Variants in IAH1 observed in about 807,000 individuals in gnomAD.
The protein encoded by IAH1 is isoamyl acetate-hydrolyzing esterase 1 homolog.
A neutral mutation model predicts 26.7 loss-of-function variants in IAH1; 24 were observed. The observed-to-expected ratio is 0.90, with a 90% confidence interval of 0.65 to 1.26. The LOEUF (loss-of-function observed/expected upper bound fraction) is 1.26, where lower values mean the gene tolerates loss of function less well. IAH1 is among the 50% of genes most tolerant of loss of function. The probability of loss-of-function intolerance (pLI) is 0.00; values close to 1 mark genes in which losing one functional copy is unlikely to be tolerated. For missense variants in IAH1, 300 were observed against 299.9 expected (o/e 1.00, Z 0.00); for synonymous variants, 140 against 118.5 (o/e 1.18, Z -1.18).
At chr2:9,474,487 G>A, upstream of IAH1, 3 of 826,740 alleles carry the variant, frequency 3.6e-6, no homozygotes, top group Non-Finnish European at 5.1e-6. This position sits in a 1 kb window ranked among gnomAD's most constrained non-coding sequence, Gnocchi z 4.3. Flanking sequence ...CCACGAGCCC[G>A]GCTCCCGCAA....
chr2:9,510,557 G>A, the IAH1 span, among the ~76,000 whole-genome samples: 10 of 152,130 alleles, frequency 6.6e-5, no homozygotes, highest in Admixed American at 5.2e-4. Context: ...TCAACTACTC[G>A]GGAGGCTGAG....
chr2:9,491,506 C>CCGCACTGACTGGAAGGGCA (rs1156323991), downstream of IAH1, among the ~76,000 whole-genome samples: 1 of 152,232 alleles, frequency 6.6e-6, no homozygotes, highest in African/African-American at 2.4e-5. Flanking sequence ...TACACCAGGA[C>CCGCACTGACTGGAAGGGCA]CGCACTGACT....
Position 9,481,666 on chromosome 2 carries a change from A to G in IAH1, c.445+219A>G, listed in dbSNP as rs78976427. ...AAAGGGATTCTGGCTTTGGATAGTC[A>G]GGAGGGAACCGCGGGCCTGGCATCT... is the stretch of plus-strand genomic sequence containing the variant. On this transcript the variant is annotated intron_variant, in intron 4 of 5. Coordinates refer to ENST00000497473, the MANE Select transcript of IAH1 (RefSeq NM_001039613.3). Among the ~76,000 whole-genome samples, 441 of 152,270 alleles carry G rather than the reference A, an allele frequency of 2.9e-3. 2 individuals carry two copies. Among genetic ancestry groups the G allele is most frequent in the African/African-American group, 0.01 (428 of 41,550 alleles).
Position 9,488,653 on chromosome 2 carries a change from T to C in IAH1, c.*324T>C, listed in dbSNP as rs890623200. On this transcript the variant is annotated 3_prime_UTR_variant, in exon 6 of 6. Coordinates refer to ENST00000497473, the MANE Select transcript of IAH1 (RefSeq NM_001039613.3). Reference sequence around the variant, plus strand: ...TTTTGAGAACTGTTTCACTCATACATACACCCACACACCCCACTCAACCTT... The same window carrying C: ...TTTTGAGAACTGTTTCACTCATACACACACCCACACACCCCACTCAACCTT... The C allele has an allele frequency of 5.4e-6, 1 of 184,424 alleles. No homozygotes were observed. The highest frequency in any genetic ancestry group is 2.3e-5 in the African/African-American group (1 of 42,682). The allele number at this position is 184,424 out of a possible 1,614,324, so 11.4% of individuals were successfully genotyped here. A position where few individuals can be genotyped will look rare whatever the true frequency, so the allele number is the denominator to read the frequency against.
chr2:9,512,199 A>T, the IAH1 span: 41 of 152,252 alleles, frequency 2.7e-4, no homozygotes, highest in African/African-American at 9.1e-4. Context: ...AGGTGTAATG[A>T]AGAGAAATAT....
chr2:9,487,150 A>G (rs1300024637), intron 5 of IAH1, among the ~76,000 whole-genome samples: 2 of 152,082 alleles, frequency 1.3e-5, no homozygotes, highest in Non-Finnish European at 1.5e-5. Context: ...CTGAGGTTAG[A>G]AAGATCGCTT....
chr2:9,502,101 C>T, the IAH1 span: 33 of 1,352,274 alleles, frequency 2.4e-5, no homozygotes, highest in Middle Eastern at 3.6e-4. Context: ...CTGAACAAAA[C>T]ATAATCTTGT....
At chr2:9,502,337 A>C in the IAH1 span, 9 of 1,410,764 alleles carry the variant, frequency 6.4e-6, no homozygotes, top group Non-Finnish European at 8.9e-6. Flanking sequence ...ATCAAATCAA[A>C]CGCTACAGTT....
At chr2:9,504,893 G>A in the IAH1 span, among the ~76,000 whole-genome samples, 2 of 151,296 alleles carry the variant, frequency 1.3e-5, no homozygotes, top group African/African-American at 4.9e-5. Flanking sequence ...TTTGTTTTTT[G>A]TTTTTTAAGA....
At chr2:9,490,076 AGTCACTTCC>A, downstream of IAH1, 1 of 1,133,336 alleles carries the variant, frequency 8.8e-7, no homozygotes, top group Non-Finnish European at 1.2e-6. Context: ...GCATCTGCTA[AGTCACTTCC>A]CAGTCTTCAC....
intron 2 of IAH1, among the ~76,000 whole-genome samples, 155 bp from the exon 3 acceptor site, chr2:9,478,067 T>C (rs893887415): frequency 3.3e-5 from 5 of 152,220 alleles, no homozygotes; most frequent in African/African-American, 1.2e-4. Context: ...ATGCTTCAGC[T>C]ATGTTCTTGC....
intron 1 of IAH1, among the ~76,000 whole-genome samples, chr2:9,475,456 A>G (rs1461825932): frequency 1.3e-5 from 2 of 148,934 alleles, no homozygotes; most frequent in Non-Finnish European, 3.0e-5. Flanking sequence ...CTGACCTTTG[A>G]CTTTATTTCC....
At chr2:9,490,973 A>G (rs1272443336), downstream of IAH1, 8 of 796,930 alleles carry the variant, frequency 1.0e-5, no homozygotes, top group Non-Finnish European at 1.6e-5. Flanking sequence ...ATTCCAACCT[A>G]GACCCTTCCT....
chr2:9,474,932 T>C lies in IAH1; in HGVS notation c.81+285T>C. On this transcript the variant is annotated intron_variant, in intron 1 of 5. Transcript: ENST00000497473. This position sits in a 1 kb window ranked among gnomAD's most constrained non-coding sequence, Gnocchi z 4.3. ...CGCCCCGCGCCGCCTCCCACCCGGG[T>C]CGAGATGCGCGGTCTTCCCCTCAGC... 1 of 847,878 alleles carries C rather than the reference T, an allele frequency of 1.2e-6. No homozygotes were observed. The highest frequency in any genetic ancestry group is 1.5e-6 in the Non-Finnish European group (1 of 673,668). 52.5% of individuals were successfully genotyped at this position (847,878 alleles called of 1,614,324 possible). A position where few individuals can be genotyped will look rare whatever the true frequency, so the allele number is the denominator to read the frequency against.
the IAH1 span, chr2:9,505,080 C>T: frequency 2.1e-6 from 3 of 1,418,712 alleles, no homozygotes; most frequent in Non-Finnish European, 2.0e-6. Context: ...TCAGTTGATT[C>T]TAAAGCCCCT....
chr2:9,510,848 C>T, the IAH1 span, among the ~76,000 whole-genome samples: 4 of 151,992 alleles, frequency 2.6e-5, no homozygotes, highest in African/African-American at 4.8e-5. Flanking sequence ...GAGTAATAAC[C>T]GGACTATGAT....
At chr2:9,510,580 C>T in the IAH1 span, among the ~76,000 whole-genome samples, 1 of 151,980 alleles carries the variant, frequency 6.6e-6, no homozygotes. Flanking sequence ...AGGAGAACTG[C>T]TTGAACCCAG....
intron 1 of IAH1, 148 bp from the exon 2 acceptor site, chr2:9,475,839 C>G: frequency 1.5e-6 from 1 of 666,766 alleles, no homozygotes; most frequent in Non-Finnish European, 2.7e-6. Flanking sequence ...GGTGTACTTA[C>G]CTGTAATCCC....
At chr2:9,498,205 CTT>C (rs869073680), downstream of IAH1, among the ~76,000 whole-genome samples, 1 of 145,572 alleles carries the variant, frequency 6.9e-6, no homozygotes, top group Admixed American at 6.8e-5. Context: ...AATTTTCTTT[CTT>C]TTTTTTTGAG....
Sources: gnomAD v4.1 joint callset for allele counts (sites outside exome capture counted in the v4.1 genomes callset) on GRCh38, gnomAD v4.1.1 for gene constraint, Gnocchi (gnomAD v3.1) non-coding constraint, MANE v1.5 for transcripts, NCBI Gene and HGNC (gene_info 2026-07-23, HGNC 2026-07-21) for gene names.